DNAH14: variants seen among roughly 807,000 people sequenced by gnomAD.
DNAH14 encodes axonemal beta dynein heavy chain 14.
A neutral mutation model predicts 520.9 loss-of-function variants in DNAH14; 478 were observed. The observed-to-expected ratio is 0.92, with a 90% CI of 0.85 to 0.99. The LOEUF is 0.99. Among genes scored for constraint, DNAH14 ranks in the 50% least tolerant of loss-of-function variants. The pLI is 0.00. For synonymous variants in DNAH14, 1,581 were observed against 1,757.2 expected, an observed-to-expected ratio of 0.90 and a Z score of 2.51; for missense variants, 4,831 against 5,234.5, an observed-to-expected ratio of 0.92 and a Z score of 2.38.
chr1:225,358,763 C>G, intron 74 of DNAH14, 111 bp downstream of exon 74: 2 of 1,145,896 alleles, frequency 1.7e-6, no homozygotes, highest in South Asian at 3.1e-5. Flanking sequence ...AAGGGCGAGA[C>G]CAGGTAGAGG....
Position 225,226,293 on chromosome 1 carries a change from C to A in DNAH14, c.6440-4780C>A, listed in dbSNP as rs191608017. On this transcript the variant is annotated intron_variant, in intron 41 of 85. Coordinates refer to ENST00000682510, the MANE Select transcript of DNAH14 (RefSeq NM_001367479.1). Reference sequence around the variant, plus strand: ...CATTGGACTAAGGTGCCAGGTAACACTATATATCGCTCCACTATCCTCCCG... The same window carrying A: ...CATTGGACTAAGGTGCCAGGTAACAATATATATCGCTCCACTATCCTCCCG... 8.1e-4 allele frequency among the ~76,000 whole-genome samples: 124 copies of A among 152,300 alleles called. No individual in the cohort carries two copies. In the Middle Eastern group the frequency reaches 0.024, roughly 29 times the overall value.
intron 17 of DNAH14, among the ~76,000 whole-genome samples, chr1:225,062,459 A>C (rs934466974): frequency 6.6e-6 from 1 of 152,142 alleles, no homozygotes; most frequent in African/African-American, 2.4e-5. Context: ...TTGGACTGCA[A>C]ATATGTACAG....
rs149582049 is a variant in DNAH14, at chr1:225,182,931, T to C, written c.5536-2360T>C. 1.2e-4 allele frequency among the ~76,000 whole-genome samples: 18 copies of C among 152,256 alleles called. No homozygotes were observed. In the East Asian group the frequency reaches 3.5e-3, roughly 29 times the overall value. The stretch of plus-strand genomic sequence containing the variant: ...AGGCCATAGTACAACAGTCCTTGGG[T>C]GATGCCAATTCTGTGCTGATCTGGC... On this transcript the variant is annotated intron_variant, in intron 36 of 85. Transcript: ENST00000682510.
rs774697565 is a variant in DNAH14, at chr1:225,337,284, C to G, written c.10099C>G (p.Gln3367Glu). ...ATTGCAGATCAGCCGATGGCATAATCAGGGACTGCCTCATGGTCAGTATTC... is the reference window on the plus strand; with the variant it reads ...ATTGCAGATCAGCCGATGGCATAATGAGGGACTGCCTCATGGTCAGTATTC... The part of the protein sequence containing the change: ...QKYEISRWHN[Q>E]GLPHGQYSVE... The change falls in exon 67 of 86, where the codon CAG (glutamine) becomes GAG (glutamate). Residue 3367 changes from glutamine to glutamate, a missense_variant. Coordinates refer to ENST00000682510, the MANE Select transcript of DNAH14 (RefSeq NM_001367479.1). 48 of 1,551,694 alleles carry G rather than the reference C, an allele frequency of 3.1e-5. No homozygotes were observed. The South Asian group carries it at 5.6e-4, about 18-fold the overall frequency.
intron 33 of DNAH14, 62 bp from the exon 34 acceptor site, chr1:225,153,688 C>T (rs1020782875): frequency 6.7e-5 from 79 of 1,172,516 alleles, no homozygotes; most frequent in Middle Eastern, 2.2e-4. Context: ...ATACTGTGTG[C>T]ATTTGTTTTC....
rs564168694 is a variant in DNAH14 at position 225,232,597 on chromosome 1, C to A, written c.6518+1446C>A. Among the ~76,000 whole-genome samples, 1 of 152,086 alleles carries A rather than the reference C, an allele frequency of 6.6e-6. No homozygotes were observed. The highest frequency in any genetic ancestry group is 1.5e-5 in the Non-Finnish European group (1 of 68,010). ...TGTGCTTCAGTGACACTTGCTTTTT[C>A]TTCAGTTTCTCAAACAAGCCATGAT... On this transcript the variant is annotated intron_variant, in intron 42 of 85. Coordinates refer to ENST00000682510, the MANE Select transcript of DNAH14 (RefSeq NM_001367479.1). This position sits in a 1 kb window ranked among gnomAD's most constrained non-coding sequence, Gnocchi z 4.2.
chr1:225,311,870 A>G (rs567405557), intron 60 of DNAH14, among the ~76,000 whole-genome samples: 3 of 152,290 alleles, frequency 2.0e-5, no homozygotes, highest in Admixed American at 2.0e-4. Context: ...CTTTGAAGTC[A>G]GGTAGCGTGA....
At chr1:225,296,271 G>T (rs185908044) in intron 55 of DNAH14, among the ~76,000 whole-genome samples, 2 of 152,168 alleles carry the variant, frequency 1.3e-5, no homozygotes, top group East Asian at 3.9e-4. Flanking sequence ...TGTTGCCCAG[G>T]CTGGTCTGGA....
intron 11 of DNAH14, chr1:225,024,727 A>G (rs2065961403): frequency 6.6e-6 from 1 of 152,176 alleles, no homozygotes; most frequent in Non-Finnish European, 1.5e-5. Flanking sequence ...AACCTATGTA[A>G]GAACACAACT....
intron 12 of DNAH14, among the ~76,000 whole-genome samples, chr1:225,039,864 C>T (rs2067299027): frequency 1.5e-5 from 1 of 68,536 alleles, no homozygotes; most frequent in Non-Finnish European, 2.7e-5. Context: ...GGCGACAGAG[C>T]GAGACTCCGT....
Position 225,159,427 on chromosome 1 carries a change from T to A in DNAH14, c.5387T>A (p.Ile1796Asn). The A allele has an allele frequency of 6.5e-7, 1 of 1,547,064 alleles. No individual in the cohort carries two copies. The highest frequency in any genetic ancestry group is 8.7e-7 in the Non-Finnish European group (1 of 1,145,216). ...GAAGATGTCCCACTTTTTGAAAATA[T>A]TATAGGAGATATTTTTCCAGAAGTG... ...PPEDVPLFEN[I>N]IGDIFPEVTV... is the part of the protein sequence containing the mutation. The change falls in exon 35 of 86, where the codon ATT (isoleucine) becomes AAT (asparagine). Residue 1796 changes from isoleucine (I) to asparagine (N), a missense_variant. Physicochemically the swap from Ile to Asn is moderately radical, Grantham distance 149. Coordinates refer to ENST00000682510, the MANE Select transcript of DNAH14 (RefSeq NM_001367479.1).
chr1:225,100,648 A>G (rs2075369269), intron 22 of DNAH14, 65 bp from the exon 23 acceptor site: 6 of 1,253,152 alleles, frequency 4.8e-6, no homozygotes, highest in African/African-American at 4.6e-5. Flanking sequence ...GCAATGCATT[A>G]CATTATAGAT....
At chr1:225,150,257 G>T (rs901750734) in intron 31 of DNAH14, among the ~76,000 whole-genome samples, 1 of 152,164 alleles carries the variant, frequency 6.6e-6, no homozygotes, top group Non-Finnish European at 1.5e-5. Flanking sequence ...GTTGATCGTG[G>T]TAGATAAGGT....
At chr1:225,035,052 G>GT (rs34478787) in intron 11 of DNAH14, among the ~76,000 whole-genome samples, 116,770 of 151,514 alleles carry the variant, frequency 0.77, 46,326 homozygotes, top group Non-Finnish European at 0.87. Flanking sequence ...TCTTTAAAAT[G>GT]TTTTTTTTGT....
At chr1:225,302,106 T>TTA (rs1035962276) in intron 56 of DNAH14, among the ~76,000 whole-genome samples, 2 of 148,174 alleles carry the variant, frequency 1.3e-5, no homozygotes, top group Non-Finnish European at 3.0e-5. Context: ...TATATATGTT[T>TTA]TATATATATA....
chr1:225,278,709 C>A (rs2093554076), intron 54 of DNAH14, among the ~76,000 whole-genome samples: 1 of 152,132 alleles, frequency 6.6e-6, no homozygotes, highest in Non-Finnish European at 1.5e-5. Context: ...AGTGTATATG[C>A]TCTGTTTAGT....
At chr1:225,241,656 T>A (rs2091973566) in intron 43 of DNAH14, among the ~76,000 whole-genome samples, 1 of 152,226 alleles carries the variant, frequency 6.6e-6, no homozygotes, top group African/African-American at 2.4e-5. Flanking sequence ...ATGTACAGCA[T>A]GTTACTCTAC....
Position 225,023,823 on chromosome 1 carries a change from G to T in DNAH14, c.1316G>T (p.Gly439Val). Reference sequence around the variant, plus strand: ...TTGGAATTATTTAATGGTTCTGCTGGAATGCCATTTTCAGTGGAAAAAAAG... The same window carrying T: ...TTGGAATTATTTAATGGTTCTGCTGTAATGCCATTTTCAGTGGAAAAAAAG... ...LLLELFNGSA[G>V]MPFSVEKKNE... Residue 439 changes from glycine to valine, a missense_variant, in exon 11 of 86, where the codon GGA becomes GTA. Physicochemically the swap from Gly to Val is moderately radical, Grantham distance 109 (BLOSUM62 -3). Coordinates refer to ENST00000682510, the MANE Select transcript of DNAH14 (RefSeq NM_001367479.1). The T allele has an allele frequency of 6.5e-7, 1 of 1,539,576 alleles. No homozygotes were observed. Among genetic ancestry groups the T allele is most frequent in the Non-Finnish European group, 8.8e-7 (1 of 1,141,196 alleles).
chr1:225,165,570 T>TTTGTTTGG (rs1553489103), intron 35 of DNAH14, among the ~76,000 whole-genome samples: 2,298 of 150,436 alleles, frequency 0.015, 55 homozygotes, highest in East Asian at 0.05. Context: ...TACTTGTTTG[T>TTTGTTTGG]TTGGTTGGTT....
Sources: allele counts gnomAD v4.1 joint callset (sites outside exome capture counted in the v4.1 genomes callset), GRCh38; gene constraint gnomAD v4.1.1; non-coding constraint Gnocchi (gnomAD v3.1); transcripts MANE v1.5; gene names NCBI Gene and HGNC (gene_info 2026-07-23, HGNC 2026-07-21).